Variants in KNTC1 observed in about 807,000 individuals in gnomAD.
KNTC1 encodes the protein kinetochore associated 1, also known as kinetochore-associated protein 1.
Under a neutral mutation model 314.4 loss-of-function variants are expected in KNTC1, and 253 were observed. That is an observed-to-expected ratio of 0.80 (90% CI 0.73 to 0.89). The LOEUF (loss-of-function observed/expected upper bound fraction) is 0.89. KNTC1 is among the 40% of genes least tolerant of loss of function. The pLI is 0.00. For synonymous variants in KNTC1, 901 were observed against 901.4 expected (o/e 1.00, Z 0.01); for missense variants, 2,475 against 2,572.9 (o/e 0.96, Z 0.82).
At chr12:122,578,887 G>A (rs1440446120) in intron 31 of KNTC1, among the ~76,000 whole-genome samples, 1 of 152,086 alleles carries the variant, frequency 6.6e-6, no homozygotes, top group Non-Finnish European at 1.5e-5. Flanking sequence ...TCATAACAAA[G>A]GTGTAAAGTA....
Position 122,586,736 on chromosome 12 carries a change from C to A in KNTC1, c.3709C>A (p.Pro1237Thr). 6.8e-7 allele frequency: 1 copy of A among 1,470,218 alleles called. No individual in the cohort carries two copies. The highest frequency in any genetic ancestry group is 1.5e-5 in the South Asian group (1 of 68,736). 91.1% of individuals were successfully genotyped at this position (1,470,218 alleles called of 1,614,324 possible). The change falls in exon 38 of 64, where the codon CCA (proline) becomes ACA (threonine). Residue 1237 changes from proline (P) to threonine (T), a missense_variant. By Grantham distance (38) the Pro-to-Thr change is conservative. Coordinates refer to ENST00000333479, the MANE Select transcript of KNTC1 (RefSeq NM_014708.6). ...ATATCCCTTGGAGTCTACCAGTTTG[C>A]CATACTGCTCCCTTAATGAAGGTAT... ...KRYPLESTSL[P>T]YCSLNEGDGL...
At chr12:122,572,239 A>C (rs926652347) in intron 24 of KNTC1, among the ~76,000 whole-genome samples, 1 of 151,944 alleles carries the variant, frequency 6.6e-6, no homozygotes, top group African/African-American at 2.4e-5. Flanking sequence ...TAAAAATACA[A>C]AAAAAATTAG....
intron 2 of KNTC1, among the ~76,000 whole-genome samples, chr12:122,533,689 CCT>C (rs1356728969): frequency 6.6e-6 from 1 of 151,744 alleles, no homozygotes; most frequent in Non-Finnish European, 1.5e-5. Flanking sequence ...AGAGGGAGAC[CCT>C]GTCTCAAAAT....
intron 6 of KNTC1, 49 bp from the exon 7 acceptor site, chr12:122,543,550 AT>A: frequency 7.8e-7 from 1 of 1,282,008 alleles, no homozygotes; most frequent in Non-Finnish European, 1.1e-6. Flanking sequence ...GACTTGTATT[AT>A]TTTGTAGATT....
chr12:122,595,673 A>T lies in KNTC1; in HGVS notation c.4355+1288A>T, dbSNP rs911984885. On this transcript the variant is annotated intron_variant, in intron 43 of 63. Transcript: ENST00000333479. ...TAAAAGAGTAGTTTGAAATAACAAA[A>T]CTATGTCATTCTTCAGTTTAGAGTG... Among the ~76,000 whole-genome samples the T allele has an allele frequency of 3.3e-5, 5 of 152,338 alleles. No individual in the cohort carries two copies. In the South Asian group the frequency reaches 8.3e-4, roughly 25 times the overall value.
chr12:122,610,681 C>G, intron 52 of KNTC1, 141 bp from the exon 53 acceptor site: 1 of 602,892 alleles, frequency 1.7e-6, no homozygotes, highest in South Asian at 2.1e-5. Context: ...AAGGGGGAAG[C>G]GCAAATGTCA....
At chr12:122,555,304 C>T (rs1393735773) in intron 16 of KNTC1, among the ~76,000 whole-genome samples, 1 of 152,030 alleles carries the variant, frequency 6.6e-6, no homozygotes, top group African/African-American at 2.4e-5. Flanking sequence ...TGTAATCCCA[C>T]ACTTTGGGAG....
rs563069855 is a variant in KNTC1 at position 122,610,827 on chromosome 12, A to T, written c.5549A>T (p.Gln1850Leu). 2.5e-5 allele frequency: 40 copies of T among 1,610,640 alleles called. No individual in the cohort carries two copies. In the South Asian group the frequency reaches 4.3e-4, roughly 17 times the overall value. The change falls in exon 53 of 64, where the codon CAG (glutamine) becomes CTG (leucine). Residue 1850 changes from glutamine to leucine, a missense_variant. By Grantham distance (113) the Gln-to-Leu change is moderately radical. Transcript: ENST00000333479. ...AATTAAAATTTTTTTTCCAGAGTGC[A>T]GTATCTCCTCCTGTCTCGTCCAATT... ...LQEDEALRRV[Q>L]YLLLSRPIDY... is the part of the protein sequence containing the mutation.
chr12:122,533,311 C>G (rs548931062), intron 2 of KNTC1, among the ~76,000 whole-genome samples: 1 of 151,996 alleles, frequency 6.6e-6, no homozygotes, highest in Non-Finnish European at 1.5e-5. Context: ...GGATTACATG[C>G]GTCCGCCACC....
chr12:122,534,710 T>C lies in KNTC1; in HGVS notation c.176T>C (p.Phe59Ser). 6.2e-7 allele frequency: 1 copy of C among 1,611,168 alleles called. No homozygotes were observed. The highest frequency in any genetic ancestry group is 1.3e-5 in the African/African-American group (1 of 75,020). Residue 59 changes from phenylalanine to serine, a missense_variant, in exon 3 of 64, where the codon TTT becomes TCT. Physicochemically the swap from Phe to Ser is radical, Grantham distance 155 (BLOSUM62 -2). Transcript: ENST00000333479. ...CAGGCATGCAGCTTAAGTGATGGGT[T>C]TATTATTGTAGCCGACCAATCAGTG... The part of the protein sequence containing the change: ...KIQACSLSDG[F>S]IIVADQSVIL...
At chr12:122,561,104 G>A (rs1317548851) in intron 18 of KNTC1, among the ~76,000 whole-genome samples, 1 of 152,082 alleles carries the variant, frequency 6.6e-6, no homozygotes, top group Non-Finnish European at 1.5e-5. Flanking sequence ...TTGAGGTCAG[G>A]AGTTCAAGAG....
intron 2 of KNTC1, among the ~76,000 whole-genome samples, chr12:122,532,280 C>G (rs1961416772): frequency 7.0e-6 from 1 of 143,768 alleles, no homozygotes; most frequent in Non-Finnish European, 1.5e-5. Context: ...GTGATCTTGG[C>G]TCATTGCAAC....
chr12:122,599,429 C>T (rs780969146), intron 44 of KNTC1, among the ~76,000 whole-genome samples: 2 of 151,732 alleles, frequency 1.3e-5, no homozygotes, highest in Non-Finnish European at 2.9e-5. Flanking sequence ...GGCGCAGTCT[C>T]GGCTCGCTGT....
chr12:122,615,447 T>A, intron 56 of KNTC1, 23 bp from the exon 57 acceptor site: 1 of 1,493,930 alleles, frequency 6.7e-7, no homozygotes, highest in Non-Finnish European at 9.0e-7. Context: ...CTTTAGAACT[T>A]TTTTATTTTT....
Position 122,605,326 on chromosome 12 carries a change from G to A in KNTC1, c.5407G>A (p.Glu1803Lys). 6.3e-7 allele frequency: 1 copy of A among 1,599,436 alleles called. No homozygotes were observed. The highest frequency in any genetic ancestry group is 8.5e-7 in the Non-Finnish European group (1 of 1,172,216). Residue 1803 changes from glutamate to lysine, a missense_variant, in exon 51 of 64, where the codon GAA becomes AAA. Physicochemically the swap from Glu to Lys is moderately conservative, Grantham distance 56 (BLOSUM62 1). Transcript: ENST00000333479. Reference protein sequence around the residue: ...DYPDIHAAAKEIAEVNEINLE... With the variant: ...DYPDIHAAAKKIAEVNEINLE... ...CTTAGATATTCATGCAGCAGCTAAA[G>A]AAATAGCCGAAGTCAATGAAATTAA...
intron 59 of KNTC1, 78 bp downstream of exon 59, chr12:122,618,623 T>C: frequency 9.6e-7 from 1 of 1,039,158 alleles, no homozygotes; most frequent in South Asian, 1.3e-5. Context: ...ATATCTCTAA[T>C]GAGTAATTCC....
At chr12:122,539,380 C>T (rs1427099576) in intron 4 of KNTC1, among the ~76,000 whole-genome samples, 1 of 152,014 alleles carries the variant, frequency 6.6e-6, no homozygotes, top group Non-Finnish European at 1.5e-5. Flanking sequence ...AAGGTGTTAC[C>T]ACAGCTTGGA....
rs372459005 is a variant in KNTC1, at chr12:122,613,790, A to T, written c.5877+29A>T. ...GGTACACCTCACTGCCCCATTCCCAATTCCCTGCCCCTACTCAGAATCCTG... is the reference window on the plus strand; with the variant it reads ...GGTACACCTCACTGCCCCATTCCCATTTCCCTGCCCCTACTCAGAATCCTG... On this transcript the variant is annotated intron_variant, in intron 55 of 63. Coordinates refer to ENST00000333479, the MANE Select transcript of KNTC1 (RefSeq NM_014708.6). 21 of 1,558,006 alleles carry T rather than the reference A, an allele frequency of 1.3e-5. No individual in the cohort carries two copies. In the African/African-American group the frequency reaches 2.5e-4, roughly 19 times the overall value.
At chr12:122,564,710 G>C (rs1233980429) in intron 20 of KNTC1, among the ~76,000 whole-genome samples, 1 of 151,814 alleles carries the variant, frequency 6.6e-6, no homozygotes, top group Non-Finnish European at 1.5e-5. Context: ...GAGCTCAAGC[G>C]ATCTGCCTGC....
Sources: gnomAD v4.1 joint callset for allele counts (sites outside exome capture counted in the v4.1 genomes callset) on GRCh38, gnomAD v4.1.1 for gene constraint, MANE v1.5 for transcripts, NCBI Gene and HGNC (gene_info 2026-07-23, HGNC 2026-07-21) for gene names.